ERMN: variants seen among roughly 807,000 people sequenced by gnomAD.
ERMN encodes ermin.
Under a neutral mutation model 21.4 loss-of-function variants are expected in ERMN, and 17 were observed. The observed-to-expected ratio is 0.80, with a 90% confidence interval of 0.54 to 1.19. The LOEUF is 1.19. ERMN is among the 50% of genes most tolerant of loss of function. ERMN has a pLI of 0.00. For synonymous variants in ERMN, 115 were observed against 111.9 expected (o/e 1.03, Z -0.17); for missense variants, 348 against 331.6 (o/e 1.05, Z -0.38).
chr2:157,324,533 C>G, intron 2 of ERMN, 137 bp downstream of exon 2: 2 of 682,404 alleles, frequency 2.9e-6, no homozygotes, highest in Non-Finnish European at 5.2e-6. Context: ...CTCTTATCTG[C>G]CTACAGCAGC....
intron 1 of ERMN, 112 bp from the exon 2 acceptor site, chr2:157,324,874 C>A: frequency 1.5e-6 from 1 of 662,018 alleles, no homozygotes; most frequent in Non-Finnish European, 2.4e-6. Flanking sequence ...TAAATCTGAT[C>A]ATTAAAATTT....
chr2:157,325,359 A>G (rs189100146), intron 1 of ERMN, 43 bp downstream of exon 1: 3 of 1,610,048 alleles, frequency 1.9e-6, no homozygotes, highest in Non-Finnish European at 2.5e-6. Flanking sequence ...GGGTAAATTT[A>G]TAAGTCAAAA....
intron 2 of ERMN, among the ~76,000 whole-genome samples, chr2:157,322,170 C>T (rs1478412372): frequency 1.3e-5 from 2 of 151,864 alleles, no homozygotes; most frequent in African/African-American, 4.8e-5. Context: ...CTTGTCTAGC[C>T]AGTCACAACT....
At chr2:157,326,630 A>C (rs550410912), upstream of ERMN, among the ~76,000 whole-genome samples, 1 of 152,172 alleles carries the variant, frequency 6.6e-6, no homozygotes, top group Non-Finnish European at 1.5e-5. Flanking sequence ...GCTACTGACC[A>C]CCCCTTCCTT....
At chr2:157,321,879 G>T in intron 2 of ERMN, 88 bp from the exon 3 acceptor site, 1 of 1,166,028 alleles carries the variant, frequency 8.6e-7, no homozygotes, top group Non-Finnish European at 1.2e-6. Flanking sequence ...AATTTTTCTT[G>T]CTAATCACTT....
rs774127505 is a variant in ERMN, at chr2:157,321,171, T to C, written c.*100A>G. On this transcript the variant is annotated 3_prime_UTR_variant, in exon 3 of 3. Coordinates refer to ENST00000410096, the MANE Select transcript of ERMN (RefSeq NM_020711.3). ...AAAAGAGAGTCAACTTCCACCTCCC[T>C]CCAAGTGATAACTCAAATAAGGCAT... 1.3e-6 allele frequency: 2 copies of C among 1,485,504 alleles called. No individual in the cohort carries two copies. The highest frequency in any genetic ancestry group is 1.8e-6 in the Non-Finnish European group (2 of 1,120,356). 92.0% of individuals were successfully genotyped at this position (1,485,504 alleles called of 1,614,324 possible).
chr2:157,325,150 T>C, intron 1 of ERMN: 1 of 622,746 alleles, frequency 1.6e-6, no homozygotes, highest in East Asian at 3.6e-5. Flanking sequence ...GTAGTTATTA[T>C]TATTATTCCG....
intron 1 of ERMN, 40 bp downstream of exon 1, chr2:157,325,362 A>G: frequency 6.2e-7 from 1 of 1,610,232 alleles, no homozygotes; most frequent in Non-Finnish European, 8.5e-7. Flanking sequence ...TAAATTTATA[A>G]GTCAAAACAA....
At chr2:157,325,908 C>T (rs1351056565), upstream of ERMN, 2 of 1,375,794 alleles carry the variant, frequency 1.5e-6, no homozygotes, top group Non-Finnish European at 1.9e-6. Flanking sequence ...TGTTGCTTGC[C>T]AGTTCCCTGG....
At chr2:157,325,347 C>A in intron 1 of ERMN, 55 bp downstream of exon 1, 1 of 1,607,650 alleles carries the variant, frequency 6.2e-7, no homozygotes, top group Non-Finnish European at 8.5e-7. Flanking sequence ...CAAAAAAATC[C>A]AGGGTAAATT....
chr2:157,326,886 G>A (rs1229162679), upstream of ERMN, among the ~76,000 whole-genome samples: 1 of 152,042 alleles, frequency 6.6e-6, no homozygotes, highest in African/African-American at 2.4e-5. Context: ...CTTCATGGTT[G>A]TAACTAAATA....
intron 1 of ERMN, 144 bp from the exon 2 acceptor site, chr2:157,324,906 ATTCT>A (rs1481284364): frequency 1.9e-6 from 1 of 524,444 alleles, no homozygotes; most frequent in African/African-American, 2.0e-5. Context: ...CTTTGGATTC[ATTCT>A]TTATCAATTC....
chr2:157,327,691 C>T (rs79051607), upstream of ERMN: 158 of 543,376 alleles, frequency 2.9e-4, no homozygotes, highest in East Asian at 4.8e-3. Context: ...GGCATTAGCA[C>T]CTTGGCAGTA....
At chr2:157,327,658 G>C, upstream of ERMN, 1 of 586,492 alleles carries the variant, frequency 1.7e-6, no homozygotes, top group Non-Finnish European at 3.1e-6. Flanking sequence ...TGTTTCCTTG[G>C]ACCAGAGATC....
rs762056061 is a variant in ERMN at position 157,325,716 on chromosome 2, GCT to G, written c.-76_-75del. 24 of 1,603,454 alleles carry G rather than the reference GCT, an allele frequency of 1.5e-5. No homozygotes were observed. The Admixed American group carries it at 2.2e-4, about 15-fold the overall frequency. ...TGAGTAGATCCTTGATAAGATACCTGCTCTTGCCTTCAAGTCCTATAGTTCCA... is the reference window on the plus strand; with the variant it reads ...TGAGTAGATCCTTGATAAGATACCTGCTTGCCTTCAAGTCCTATAGTTCCA... On this transcript the variant is annotated 5_prime_UTR_variant, in exon 1 of 3. Transcript: ENST00000410096.
At position 157,325,426 on chromosome 2, in the gene ERMN, A is replaced by T; in HGVS notation, c.217T>A (p.Ser73Thr). 6.2e-7 allele frequency: 1 copy of T among 1,614,128 alleles called. No homozygotes were observed. Among genetic ancestry groups the T allele is most frequent in the Non-Finnish European group, 8.5e-7 (1 of 1,180,008 alleles). The change falls in exon 1 of 3, where the codon TCC becomes ACC. Residue 73 changes from serine (S) to threonine (T), a missense_variant. Ser to Thr is a moderately conservative substitution (Grantham distance 58, BLOSUM62 1). Coordinates refer to ENST00000410096, the MANE Select transcript of ERMN (RefSeq NM_020711.3). ...KLQGNMLLNS[S>T]MEDKMLKENP... ...CCTTTTAGCATTTTGTCCTCCATGG[A>T]TGAGTTGAGCAGCATGTTCCCTTGT...
intron 2 of ERMN, among the ~76,000 whole-genome samples, chr2:157,322,338 T>C (rs1165727977): frequency 2.0e-5 from 3 of 152,136 alleles, no homozygotes; most frequent in Admixed American, 6.5e-5. Flanking sequence ...CTGAAAATGA[T>C]GACTGTCCAT....
Position 157,321,708 on chromosome 2 carries a change from T to C in ERMN, c.418A>G (p.Lys140Glu), listed in dbSNP as rs1683911013. The C allele has an allele frequency of 2.5e-6, 4 of 1,614,022 alleles. No individual in the cohort carries two copies. In the East Asian group the frequency reaches 8.9e-5, roughly 36 times the overall value. ...QKERITEQPLKEEEDEDRKNK... is the reference protein window; with the variant it reads ...QKERITEQPLEEEEDEDRKNK... ...TTCCTGTCCTCATCTTCTTCCTCTT[T>C]GAGAGGCTGCTCAGTAATCCTCTCC... The change falls in exon 3 of 3, where the codon AAA (lysine) becomes GAA (glutamate). Residue 140 changes from lysine to glutamate, a missense_variant. By Grantham distance (56) the Lys-to-Glu change is moderately conservative (BLOSUM62 1). Transcript: ENST00000410096.
In ERMN at chr2:157,322,794, G is replaced by A. The variant is rs182053084; in HGVS notation, c.335-1003C>T. Among the ~76,000 whole-genome samples, 630 of 152,244 alleles carry A rather than the reference G, an allele frequency of 4.1e-3. 3 individuals are homozygous for A. Among genetic ancestry groups the A allele is most frequent in the African/African-American group, 0.013 (547 of 41,534 alleles). On this transcript the variant is annotated intron_variant, in intron 2 of 2. Coordinates refer to ENST00000410096, the MANE Select transcript of ERMN (RefSeq NM_020711.3). ...TGTTACACACAGCTGCTATCAGGTCGCTAGTGTCCCGTCAATGTTCCTAAC... is the reference window on the plus strand; with the variant it reads ...TGTTACACACAGCTGCTATCAGGTCACTAGTGTCCCGTCAATGTTCCTAAC...
Sources: gnomAD v4.1 joint callset for allele counts (sites outside exome capture counted in the v4.1 genomes callset) on GRCh38, gnomAD v4.1.1 for gene constraint, MANE v1.5 for transcripts, NCBI Gene and HGNC (gene_info 2026-07-23, HGNC 2026-07-21) for gene names.